The following BEST3 variants were observed in gnomAD, a reference collection of about 807,000 sequenced individuals.
BEST3 encodes bestrophin 3, also known as bestrophin-3.
Under a neutral mutation model 47.1 loss-of-function variants are expected in BEST3, and 50 were observed. The ratio of observed to expected loss-of-function variants is 1.06; its 90% CI spans 0.85 to 1.34. The LOEUF (loss-of-function observed/expected upper bound fraction) is 1.34. BEST3 is among the 40% of genes most tolerant of loss of function. The pLI is 0.00. For missense variants in BEST3, 765 were observed against 817.0 expected, an observed-to-expected ratio of 0.94 and a Z score of 0.78; for synonymous variants, 282 against 298.8, an observed-to-expected ratio of 0.94 and a Z score of 0.58.
At chr12:69,685,423 G>C (rs1885519431) in intron 4 of BEST3, among the ~76,000 whole-genome samples, 1 of 152,222 alleles carries the variant, frequency 6.6e-6, no homozygotes, top group Non-Finnish European at 1.5e-5. Flanking sequence ...GGAATTAATT[G>C]ATGTGTTCTA....
At chr12:69,697,318 G>C (rs1035299198) in intron 2 of BEST3, among the ~76,000 whole-genome samples, 1 of 152,142 alleles carries the variant, frequency 6.6e-6, no homozygotes, top group African/African-American at 2.4e-5. Flanking sequence ...AATAATTATT[G>C]TCTGTGGACT....
intron 9 of BEST3, among the ~76,000 whole-genome samples, chr12:69,664,483 C>T (rs912229369): frequency 1.1e-4 from 16 of 151,992 alleles, no homozygotes; most frequent in Admixed American, 9.2e-4. Flanking sequence ...GCTCTGTCAT[C>T]CCCCCTTGCT....
In BEST3 at chr12:69,671,525, CCTT is replaced by C; in HGVS notation, c.1000_1002del (p.Lys334del). The C allele has an allele frequency of 6.2e-7, 1 of 1,613,854 alleles. No homozygotes were observed. Among genetic ancestry groups the C allele is most frequent in the Non-Finnish European group, 8.5e-7 (1 of 1,179,808 alleles). ...GCAGCAGAATCGTCCCAGTAAATGT[CCTT>C]CTTCATCTTGGGTAAGCTCATGTGC... On this transcript the variant is annotated inframe_deletion, in exon 9 of 10. Transcript: ENST00000330891.
chr12:69,654,704 G>A lies in BEST3; in HGVS notation c.*203C>T. ...TAACTTCTGATGAAAGCCATGTTGT[G>A]TTGGATGACGTGAATGCGTTTGATT... On this transcript the variant is annotated 3_prime_UTR_variant, in exon 10 of 10. Transcript: ENST00000330891. 7.5e-7 allele frequency: 1 copy of A among 1,332,680 alleles called. No individual in the cohort carries two copies. Among genetic ancestry groups the A allele is most frequent in the Non-Finnish European group, 9.6e-7 (1 of 1,043,174 alleles). 82.6% of individuals were successfully genotyped at this position (1,332,680 alleles called of 1,614,324 possible).
intron 4 of BEST3, among the ~76,000 whole-genome samples, 188 bp from the exon 5 acceptor site, chr12:69,679,081 A>C (rs1314187619): frequency 6.6e-6 from 1 of 152,172 alleles, no homozygotes; most frequent in Admixed American, 6.5e-5. Context: ...GCGCACATGC[A>C]CACACACATA....
rs1479196212 is a variant in BEST3, at chr12:69,672,922, T to C, written c.911A>G (p.Asp304Gly). The C allele has an allele frequency of 6.2e-7, 1 of 1,612,552 alleles. No individual in the cohort carries two copies. Among genetic ancestry groups the C allele is most frequent in the South Asian group, 1.1e-5 (1 of 90,886 alleles). ...GTCAATGCACCAGTTAGTTTCAAAA[T>C]CATCATCATCTTCTCCAAAAGGGTT... ...LINPFGEDDD[D>G]FETNWCIDRN... Residue 304 changes from aspartate (D) to glycine (G), a missense_variant, in exon 8 of 10, where the codon GAT becomes GGT. Asp to Gly is a moderately conservative substitution (Grantham distance 94, BLOSUM62 -1). Transcript: ENST00000330891.
intron 9 of BEST3, among the ~76,000 whole-genome samples, chr12:69,667,033 T>C (rs1884264948): frequency 6.6e-6 from 1 of 152,122 alleles, no homozygotes; most frequent in Non-Finnish European, 1.5e-5. Context: ...CAGGCTAATC[T>C]CTCCAAAGCA....
At chr12:69,661,834 C>G (rs1276792706) in intron 9 of BEST3, among the ~76,000 whole-genome samples, 1 of 152,144 alleles carries the variant, frequency 6.6e-6, no homozygotes, top group Non-Finnish European at 1.5e-5. Flanking sequence ...CCGTGTTGGC[C>G]TATCTGGTCA....
Position 69,655,731 on chromosome 12 carries a change from CTCT to C in BEST3, c.1180_1182del (p.Arg394del), listed in dbSNP as rs746442191. 1 of 1,613,926 alleles carries C rather than the reference CTCT, an allele frequency of 6.2e-7. No homozygotes were observed. Among genetic ancestry groups the C allele is most frequent in the South Asian group, 1.1e-5 (1 of 91,058 alleles). On this transcript the variant is annotated inframe_deletion, in exon 10 of 10. Transcript: ENST00000330891. ...TCGTGGGCACTCAGGAACCGCTTGA[CTCT>C]TCTTATCATGGAATGCCGATGGCCA...
Position 69,697,743 on chromosome 12 carries a change from C to A in BEST3, c.56G>T (p.Arg19Met), listed in dbSNP as rs760007296. 8.1e-6 allele frequency: 13 copies of A among 1,612,910 alleles called. No homozygotes were observed. In the South Asian group the frequency reaches 8.8e-5, roughly 11 times the overall value. ...GCTGCCTCTCCACTTGAGGAGTAAC[C>A]TATGAAATCCAAAAAAAGTTGCATT... The part of the protein sequence containing the change: ...VANATFFGFH[R>M]LLLKWRGSIY... Residue 19 changes from arginine (R) to methionine (M), a missense_variant, in exon 2 of 10, where the codon AGG becomes ATG. Transcript: ENST00000330891.
At chr12:69,677,759 T>C (rs894238056) in intron 5 of BEST3, among the ~76,000 whole-genome samples, 1 of 152,034 alleles carries the variant, frequency 6.6e-6, no homozygotes, top group Admixed American at 6.6e-5. Context: ...GCATGTAGCC[T>C]GGACAACAGA....
intron 4 of BEST3, among the ~76,000 whole-genome samples, chr12:69,680,310 C>T (rs868462598): frequency 2.5e-4 from 24 of 94,960 alleles, no homozygotes; most frequent in South Asian, 7.4e-4. Flanking sequence ...TACACTTGAT[C>T]TTTTTTTTTT....
chr12:69,670,758 A>T (rs1040784887), intron 9 of BEST3, among the ~76,000 whole-genome samples: 1 of 148,370 alleles, frequency 6.7e-6, no homozygotes, highest in Non-Finnish European at 1.5e-5. Flanking sequence ...CCCTTTTGCT[A>T]CAGTTTTTTT....
chr12:69,645,365 C>T (rs939182732), intron 9 of BEST3, among the ~76,000 whole-genome samples: 1 of 152,186 alleles, frequency 6.6e-6, no homozygotes, highest in African/African-American at 2.4e-5. Context: ...TACTTCACAG[C>T]TTGTTAAGAG....
At chr12:69,696,176 T>A (rs1002344932) in intron 2 of BEST3, among the ~76,000 whole-genome samples, 1 of 152,194 alleles carries the variant, frequency 6.6e-6, no homozygotes, top group African/African-American at 2.4e-5. Context: ...AGATCTATTT[T>A]AATAAGGTAT....
Position 69,677,169 on chromosome 12 carries a change from G to T in BEST3, c.714+11C>A. ...GTAGAAATAAAGAATTCCATGAAAA[G>T]TATTTCTTACCTGGGTGTAAACCAG... On this transcript the variant is annotated intron_variant, in intron 6 of 9. Coordinates refer to ENST00000330891, the MANE Select transcript of BEST3 (RefSeq NM_032735.3). 6.2e-7 allele frequency: 1 copy of T among 1,613,674 alleles called. No individual in the cohort carries two copies. The highest frequency in any genetic ancestry group is 1.1e-5 in the South Asian group (1 of 91,042).
intron 9 of BEST3, among the ~76,000 whole-genome samples, chr12:69,665,610 CAAAAAA>C (rs869237502): frequency 8.7e-4 from 34 of 39,014 alleles, no homozygotes; most frequent in African/African-American, 2.5e-3. Context: ...AAACAAAACA[CAAAAAA>C]ACAAACAAAA....
chr12:69,647,995 T>C (rs1296903689), intron 9 of BEST3, among the ~76,000 whole-genome samples: 1 of 152,194 alleles, frequency 6.6e-6, no homozygotes, highest in African/African-American at 2.4e-5. Context: ...CACAGGCACA[T>C]GAAGAGATGC....
downstream of BEST3, among the ~76,000 whole-genome samples, chr12:69,650,131 G>A (rs1348238145): frequency 6.6e-6 from 1 of 152,236 alleles, no homozygotes; most frequent in East Asian, 1.9e-4. Context: ...GGAAATTGGT[G>A]CATTTTCCAT....
Sources: gnomAD v4.1 joint callset for allele counts (sites outside exome capture counted in the v4.1 genomes callset) on GRCh38, gnomAD v4.1.1 for gene constraint, MANE v1.5 for transcripts, NCBI Gene and HGNC (gene_info 2026-07-23, HGNC 2026-07-21) for gene names.